PPP1R3D: variants seen among roughly 807,000 people sequenced by gnomAD.
The protein encoded by PPP1R3D is PP1 subunit R6.
Under a neutral mutation model 16.3 loss-of-function variants are expected in PPP1R3D, and 27 were observed. The ratio of observed to expected loss-of-function variants is 1.66; its 90% CI spans 1.22 to 2.29. PPP1R3D has a LOEUF of 2.29. Ranked by LOEUF, PPP1R3D falls within the 30% of genes most tolerant of loss-of-function variation. The pLI is 0.00. For synonymous variants in PPP1R3D, 223 were observed against 209.7 expected, an observed-to-expected ratio of 1.06 and a Z score of -0.55; for missense variants, 472 against 438.3, an observed-to-expected ratio of 1.08 and a Z score of -0.69.
In PPP1R3D at chr20:59,939,832, C is replaced by T. The variant is rs2060888878; in HGVS notation, c.100G>A (p.Val34Met). Residue 34 changes from valine (V) to methionine (M), a missense_variant, in exon 1 of 1, where the codon GTG becomes ATG. Physicochemically the swap from Val to Met is conservative, Grantham distance 21. Transcript: ENST00000370996. ...LSCLSDLDGG[V>M]ALEPRACRPP... ...CTACAGGCCCGCGGCTCCAGGGCCACGCCGCCGTCCAGGTCCGACAGGCAG... is the reference window on the plus strand; with the variant it reads ...CTACAGGCCCGCGGCTCCAGGGCCATGCCGCCGTCCAGGTCCGACAGGCAG... 6 of 1,237,864 alleles carry T rather than the reference C, an allele frequency of 4.8e-6. No homozygotes were observed. The highest frequency in any genetic ancestry group is 4.0e-6 in the Non-Finnish European group (4 of 991,496). 76.7% of individuals were successfully genotyped at this position (1,237,864 alleles called of 1,614,324 possible).
Position 59,937,135 on chromosome 20 carries a change from A to G in PPP1R3D, c.*1897T>C, listed in dbSNP as rs2060867343. On this transcript the variant is annotated 3_prime_UTR_variant, in exon 1 of 1. Transcript: ENST00000370996. The stretch of plus-strand genomic sequence containing the variant: ...TTTCATAACCAAAACCTTTTTGGCA[A>G]GTGACTTTCACATAGATTATGAGAT... The G allele has an allele frequency of 6.6e-6, 1 of 152,668 alleles. No individual in the cohort carries two copies. The highest frequency in any genetic ancestry group is 6.5e-5 in the Admixed American group (1 of 15,290). The allele number at this position is 152,668 out of a possible 1,614,324, so 9.5% of individuals were successfully genotyped here. A position where few individuals can be genotyped will look rare whatever the true frequency, so the allele number is the denominator to read the frequency against.
At position 59,939,669 on chromosome 20, in the gene PPP1R3D, G is replaced by C; in HGVS notation, c.263C>G (p.Ala88Gly). The part of the protein sequence containing the change: ...SPERRQKAAG[A>G]PGAACRPGCS... ...GCCCGGCCGACACGCAGCGCCCGGC[G>C]CGCCCGCGGCCTTCTGGCGGCGCTC... Residue 88 changes from alanine to glycine, a missense_variant, in exon 1 of 1, where the codon GCG becomes GGG. Ala to Gly is a moderately conservative substitution (Grantham distance 60). Coordinates refer to ENST00000370996, the MANE Select transcript of PPP1R3D (RefSeq NM_006242.4). The C allele has an allele frequency of 6.8e-7, 1 of 1,470,224 alleles. No individual in the cohort carries two copies. The highest frequency in any genetic ancestry group is 1.4e-5 in the South Asian group (1 of 73,302). 91.1% of individuals were successfully genotyped at this position (1,470,224 alleles called of 1,614,324 possible).
chr20:59,939,515 C>G lies in PPP1R3D; in HGVS notation c.417G>C (p.Ser139=), dbSNP rs2060884989. 6.2e-7 allele frequency: 1 copy of G among 1,611,960 alleles called. No homozygotes were observed. The highest frequency in any genetic ancestry group is 8.5e-7 in the Non-Finnish European group (1 of 1,179,664). The change falls in exon 1 of 1, where the codon TCG becomes TCC. Residue 139 remains serine (S), a synonymous_variant. Coordinates refer to ENST00000370996, the MANE Select transcript of PPP1R3D (RefSeq NM_006242.4). The part of the protein sequence containing the change: ...LHVLSRLAIN[S]DLCCSSQDLE... ...GGTCCTGGCTGCTGCAGCACAGGTC[C>G]GAGTTGATTGCGAGCCGCGACAGCA...
chr20:59,939,106 T>A lies in PPP1R3D; in HGVS notation c.826A>T (p.Ser276Cys). ...AGCGCGTGGTTGCGACATGTGAGGC[T>A]GTAGTCTCGGTGGTCGTTGTTGTCC... ...YWDNNDHRDY[S>C]LTCRNHALHM... Residue 276 changes from serine to cysteine, a missense_variant, in exon 1 of 1, where the codon AGC becomes TGC. Ser to Cys is a moderately radical substitution (Grantham distance 112). Transcript: ENST00000370996. The A allele has an allele frequency of 6.2e-7, 1 of 1,601,068 alleles. No individual in the cohort carries two copies. The highest frequency in any genetic ancestry group is 1.1e-5 in the South Asian group (1 of 90,804).
At position 59,938,185 on chromosome 20, in the gene PPP1R3D, T is replaced by G. The variant is rs561683452; in HGVS notation, c.*847A>C. ...ACTGAAATAACTGAGGCAAGACTTC[T>G]TAAAATGCTTAGTTTCAAACTTAAA... On this transcript the variant is annotated 3_prime_UTR_variant, in exon 1 of 1. Transcript: ENST00000370996. 9.2e-5 allele frequency: 14 copies of G among 152,374 alleles called. No homozygotes were observed. The highest frequency in any genetic ancestry group is 3.1e-4 in the African/African-American group (13 of 41,596). The allele number at this position is 152,374 out of a possible 1,614,324, so 9.4% of individuals were successfully genotyped here.
Position 59,939,442 on chromosome 20 carries a change from C to G in PPP1R3D, c.490G>C (p.Glu164Gln). 1 of 1,611,538 alleles carries G rather than the reference C, an allele frequency of 6.2e-7. No homozygotes were observed. The highest frequency in any genetic ancestry group is 8.5e-7 in the Non-Finnish European group (1 of 1,179,572). ...CLVPDFPPPV[E>Q]AADFGERLQR... ...AGGCGCTCGCCAAAGTCGGCGGCCT[C>G]GACGGGCGGCGGGAAATCGGGCACC... The change falls in exon 1 of 1, where the codon GAG (glutamate) becomes CAG (glutamine). Residue 164 changes from glutamate to glutamine, a missense_variant. Physicochemically the swap from Glu to Gln is conservative, Grantham distance 29. Coordinates refer to ENST00000370996, the MANE Select transcript of PPP1R3D (RefSeq NM_006242.4).
At position 59,939,036 on chromosome 20, in the gene PPP1R3D, A is replaced by T. The variant is rs1042394154; in HGVS notation, c.896T>A (p.Ile299Asn). ...GECEESWIHF[I>N] ...GGTGGCCGGTCCCCGCGCGGCTCAG[A>T]TGAAGTGGATCCAGCTCTCTTCGCA... is the stretch of plus-strand genomic sequence containing the variant. Residue 299 changes from isoleucine to asparagine, a missense_variant, in exon 1 of 1, where the codon ATC (isoleucine) becomes AAC (asparagine). Physicochemically the swap from Ile to Asn is moderately radical, Grantham distance 149. Coordinates refer to ENST00000370996, the MANE Select transcript of PPP1R3D (RefSeq NM_006242.4). 2.0e-6 allele frequency: 3 copies of T among 1,526,598 alleles called. No individual in the cohort carries two copies. 94.6% of individuals were successfully genotyped at this position (1,526,598 alleles called of 1,614,324 possible).
In PPP1R3D at chr20:59,939,029, G is replaced by A. The variant is rs759003138; in HGVS notation, c.*3C>T. ...GGCTCCAGGTGGCCGGTCCCCGCGC[G>A]GCTCAGATGAAGTGGATCCAGCTCT... On this transcript the variant is annotated 3_prime_UTR_variant, in exon 1 of 1. Coordinates refer to ENST00000370996, the MANE Select transcript of PPP1R3D (RefSeq NM_006242.4). 20 of 1,514,340 alleles carry A rather than the reference G, an allele frequency of 1.3e-5. No individual in the cohort carries two copies. The highest frequency in any genetic ancestry group is 1.1e-4 in the Admixed American group (5 of 47,452). 93.8% of individuals were successfully genotyped at this position (1,514,340 alleles called of 1,614,324 possible). A position where few individuals can be genotyped will look rare whatever the true frequency, so the allele number is the denominator to read the frequency against.
Position 59,938,964 on chromosome 20 carries a change from C to G in PPP1R3D, c.*68G>C. ...AAGAACAACCAGATAGATGTGAGAG[C>G]CCAGCAGGGAAATGACAGGAGGCGC... is the stretch of plus-strand genomic sequence containing the variant. On this transcript the variant is annotated 3_prime_UTR_variant, in exon 1 of 1. Transcript: ENST00000370996. 7.1e-7 allele frequency: 1 copy of G among 1,405,356 alleles called. No individual in the cohort carries two copies. Among genetic ancestry groups the G allele is most frequent in the Non-Finnish European group, 9.4e-7 (1 of 1,067,826 alleles). The allele number at this position is 1,405,356 out of a possible 1,614,324, so 87.1% of individuals were successfully genotyped here.
Position 59,938,113 on chromosome 20 carries a change from G to T in PPP1R3D, c.*919C>A, listed in dbSNP as rs1784888042. ...AATAGTCACCTTAATCATCAAAAAG[G>T]TAATTGCAAAGGGCACTGTTGCCTG... On this transcript the variant is annotated 3_prime_UTR_variant, in exon 1 of 1. Coordinates refer to ENST00000370996, the MANE Select transcript of PPP1R3D (RefSeq NM_006242.4). 6.6e-6 allele frequency: 1 copy of T among 152,180 alleles called. No homozygotes were observed. Among genetic ancestry groups the T allele is most frequent in the Admixed American group, 6.5e-5 (1 of 15,274 alleles). The allele number at this position is 152,180 out of a possible 1,614,324, so 9.4% of individuals were successfully genotyped here. A position where few individuals can be genotyped will look rare whatever the true frequency, so the allele number is the denominator to read the frequency against.
In PPP1R3D at chr20:59,939,184, C is replaced by T; in HGVS notation, c.748G>A (p.Gly250Ser). ...FPVPPFLLEL[G>S]SRVHFAVRYQ... is the part of the protein sequence containing the mutation. ...CGCACCGCGAAGTGCACGCGGGAGC[C>T]GAGCTCCAGCAGGAAGGGCGGTACT... The change falls in exon 1 of 1, where the codon GGC becomes AGC. Residue 250 changes from glycine (G) to serine (S), a missense_variant. Transcript: ENST00000370996. 1 of 1,608,974 alleles carries T rather than the reference C, an allele frequency of 6.2e-7. No homozygotes were observed. The highest frequency in any genetic ancestry group is 8.5e-7 in the Non-Finnish European group (1 of 1,176,586).
chr20:59,939,370 C>T lies in PPP1R3D; in HGVS notation c.562G>A (p.Gly188Ser), dbSNP rs1321734941. Residue 188 changes from glycine (G) to serine (S), a missense_variant, in exon 1 of 1, where the codon GGC becomes AGC. Coordinates refer to ENST00000370996, the MANE Select transcript of PPP1R3D (RefSeq NM_006242.4). ...CLERVTCSDL[G>S]ISGTVRVCNV... The stretch of plus-strand genomic sequence containing the variant: ...CACACGCGCACCGTACCGCTGATGC[C>T]AAGGTCCGAGCAAGTGACACGCTCC... The T allele has an allele frequency of 6.2e-7, 1 of 1,610,736 alleles. No homozygotes were observed. The highest frequency in any genetic ancestry group is 1.3e-5 in the African/African-American group (1 of 75,040).
chr20:59,939,222 G>A lies in PPP1R3D; in HGVS notation c.710C>T (p.Thr237Ile). The change falls in exon 1 of 1, where the codon ACC becomes ATC. Residue 237 changes from threonine to isoleucine, a missense_variant. Thr to Ile is a moderately conservative substitution (Grantham distance 89). Transcript: ENST00000370996. The stretch of plus-strand genomic sequence containing the variant: ...GAAGGGCGGTACTGGAAAGCCGAAG[G>A]TGAAAACGTCCTCCGTGCCCTCGGG... ...AGPEGTEDVF[T>I]FGFPVPPFLL... is the part of the protein sequence containing the mutation. 1 of 1,611,066 alleles carries A rather than the reference G, an allele frequency of 6.2e-7. No individual in the cohort carries two copies. The highest frequency in any genetic ancestry group is 2.2e-5 in the East Asian group (1 of 44,738).
rs1484748909 is a variant in PPP1R3D at position 59,938,559 on chromosome 20, AAC to A, written c.*471_*472del. 6.5e-6 allele frequency: 1 copy of A among 152,846 alleles called. No individual in the cohort carries two copies. Among genetic ancestry groups the A allele is most frequent in the Non-Finnish European group, 1.5e-5 (1 of 68,280 alleles). The allele number at this position is 152,846 out of a possible 1,614,324, so 9.5% of individuals were successfully genotyped here. On this transcript the variant is annotated 3_prime_UTR_variant, in exon 1 of 1. Coordinates refer to ENST00000370996, the MANE Select transcript of PPP1R3D (RefSeq NM_006242.4). ...GTACATTCTGTTTACTGTGGGCACAAACACAGAACTTTTTTTTTTTAGCTTAT... is the reference window on the plus strand; with the variant it reads ...GTACATTCTGTTTACTGTGGGCACAAACAGAACTTTTTTTTTTTAGCTTAT...
rs760032572 is a variant in PPP1R3D at position 59,939,870 on chromosome 20, G to C, written c.62C>G (p.Pro21Arg). The change falls in exon 1 of 1, where the codon CCC (proline) becomes CGC (arginine). Residue 21 changes from proline to arginine, a missense_variant. Pro to Arg is a moderately radical substitution (Grantham distance 103, BLOSUM62 -2). Coordinates refer to ENST00000370996, the MANE Select transcript of PPP1R3D (RefSeq NM_006242.4). The part of the protein sequence containing the change: ...PSALGSRKLG[P>R]RSLSCLSDLD... ...GTCCGACAGGCAGCTGAGGCTCCGG[G>C]GGCCGAGCTTCCGGGATCCCAGGGC... The C allele has an allele frequency of 3.2e-6, 4 of 1,247,526 alleles. No individual in the cohort carries two copies. The highest frequency in any genetic ancestry group is 4.0e-6 in the Non-Finnish European group (4 of 994,666). 77.3% of individuals were successfully genotyped at this position (1,247,526 alleles called of 1,614,324 possible). A position where few individuals can be genotyped will look rare whatever the true frequency, so the allele number is the denominator to read the frequency against.
Position 59,937,320 on chromosome 20 carries a change from AC to A in PPP1R3D, c.*1711del, listed in dbSNP as rs2032063806. The A allele has an allele frequency of 6.5e-6, 1 of 152,676 alleles. No homozygotes were observed. The highest frequency in any genetic ancestry group is 2.4e-5 in the African/African-American group (1 of 41,458). 9.5% of individuals were successfully genotyped at this position (152,676 alleles called of 1,614,324 possible). A position where few individuals can be genotyped will look rare whatever the true frequency, so the allele number is the denominator to read the frequency against. On this transcript the variant is annotated 3_prime_UTR_variant, in exon 1 of 1. Coordinates refer to ENST00000370996, the MANE Select transcript of PPP1R3D (RefSeq NM_006242.4). ...AGTTTGTTAAATAGCAGGAAATGTA[AC>A]AAGGCTTCTCTCTCTCTTGCATGTT...
Position 59,939,971 on chromosome 20 carries a change from A to G in PPP1R3D, c.-40T>C. 1.6e-6 allele frequency: 2 copies of G among 1,252,534 alleles called. No individual in the cohort carries two copies. Among genetic ancestry groups the G allele is most frequent in the South Asian group, 4.0e-5 (1 of 24,862 alleles). The allele number at this position is 1,252,534 out of a possible 1,614,324, so 77.6% of individuals were successfully genotyped here. A position where few individuals can be genotyped will look rare whatever the true frequency, so the allele number is the denominator to read the frequency against. On this transcript the variant is annotated 5_prime_UTR_variant, in exon 1 of 1. Coordinates refer to ENST00000370996, the MANE Select transcript of PPP1R3D (RefSeq NM_006242.4). Reference sequence around the variant, plus strand: ...TCGGAAGATGAGGCAGGGATGAGAGACGACCTCCCGACCCCGCGACAGCTC... The same window carrying G: ...TCGGAAGATGAGGCAGGGATGAGAGGCGACCTCCCGACCCCGCGACAGCTC...
chr20:59,939,241 C>A lies in PPP1R3D; in HGVS notation c.691G>T (p.Gly231Cys), dbSNP rs1257008175. 1 of 1,611,344 alleles carries A rather than the reference C, an allele frequency of 6.2e-7. No individual in the cohort carries two copies. The highest frequency in any genetic ancestry group is 2.2e-5 in the East Asian group (1 of 44,788). Residue 231 changes from glycine to cysteine, a missense_variant, in exon 1 of 1, where the codon GGC becomes TGC. By Grantham distance (159) the Gly-to-Cys change is radical. Coordinates refer to ENST00000370996, the MANE Select transcript of PPP1R3D (RefSeq NM_006242.4). ...ARWRGPAGPEGTEDVFTFGFP... is the reference protein window; with the variant it reads ...ARWRGPAGPECTEDVFTFGFP... ...CCGAAGGTGAAAACGTCCTCCGTGC[C>A]CTCGGGGCCTGCGGGCCCGCGCCAC...
chr20:59,939,778 G>T lies in PPP1R3D; in HGVS notation c.154C>A (p.Pro52Thr). The T allele has an allele frequency of 8.2e-7, 1 of 1,223,966 alleles. No individual in the cohort carries two copies. The highest frequency in any genetic ancestry group is 1.0e-6 in the Non-Finnish European group (1 of 983,076). The allele number at this position is 1,223,966 out of a possible 1,614,324, so 75.8% of individuals were successfully genotyped here. The change falls in exon 1 of 1, where the codon CCG (proline) becomes ACG (threonine). Residue 52 changes from proline to threonine, a missense_variant. Pro to Thr is a conservative substitution (Grantham distance 38, BLOSUM62 -1). Transcript: ENST00000370996. Reference sequence around the variant, plus strand: ...CAGCCCGACGGCGCTGGCGTTGGCGGCGGCGCGCGGCCCGGGCTCCCAGGG... The same window carrying T: ...CAGCCCGACGGCGCTGGCGTTGGCGTCGGCGCGCGGCCCGGGCTCCCAGGG... ...RPPGSPGRAP[P>T]PTPAPSGCDP...
Sources: gnomAD v4.1 joint callset for allele counts on GRCh38, gnomAD v4.1.1 for gene constraint, MANE v1.5 for transcripts, NCBI Gene and HGNC (gene_info 2026-07-23, HGNC 2026-07-21) for gene names.